MAP3K5: variants seen among roughly 807,000 people sequenced by gnomAD.
MAP3K5 encodes the protein mitogen-activated protein kinase kinase kinase 5.
Under a neutral mutation model 158.7 loss-of-function variants are expected in MAP3K5, and 56 were observed. That is an observed-to-expected ratio of 0.35 (90% CI 0.28 to 0.44). MAP3K5 has a LOEUF of 0.44. MAP3K5 is among the 20% of genes least tolerant of loss of function. MAP3K5 has a pLI of 1.00. For missense variants in MAP3K5, 1,294 were observed against 1,674.8 expected (o/e 0.77, Z 3.97); for synonymous variants, 579 against 601.7 (o/e 0.96, Z 0.55).
intron 23 of MAP3K5, among the ~76,000 whole-genome samples, chr6:136,589,381 G>A (rs918365199): frequency 6.6e-6 from 1 of 152,198 alleles, no homozygotes; most frequent in Non-Finnish European, 1.5e-5. Context: ...AAAAGAGGAT[G>A]AGAAGTGTCA....
At chr6:136,567,516 ATTCAATC>A (rs945206410) in intron 26 of MAP3K5, 108 bp downstream of exon 26, 6 of 1,072,194 alleles carry the variant, frequency 5.6e-6, no homozygotes, top group Non-Finnish European at 6.6e-6. Flanking sequence ...AAAGAAAGGC[ATTCAATC>A]AAGTTTCCAT....
chr6:136,782,951 C>T (rs1232866516), intron 1 of MAP3K5, among the ~76,000 whole-genome samples: 1 of 152,168 alleles, frequency 6.6e-6, no homozygotes, highest in East Asian at 1.9e-4. Flanking sequence ...ACTAACCTGG[C>T]ACATATTTCG....
At chr6:136,669,198 G>T in intron 8 of MAP3K5, 85 bp downstream of exon 8, 1 of 876,230 alleles carries the variant, frequency 1.1e-6, no homozygotes, top group Non-Finnish European at 1.9e-6. Flanking sequence ...GAAAGCAAAA[G>T]ATTTATCTAT....
chr6:136,774,225 A>T (rs1275466620), intron 1 of MAP3K5, among the ~76,000 whole-genome samples: 1 of 152,138 alleles, frequency 6.6e-6, no homozygotes. Context: ...AAAGAACCTT[A>T]CATAAACCTC....
chr6:136,558,978 C>A, intron 28 of MAP3K5, 102 bp from the exon 29 acceptor site: 4 of 683,472 alleles, frequency 5.9e-6, no homozygotes, highest in Non-Finnish European at 7.7e-6. Flanking sequence ...AAAAATGAAT[C>A]TAAAAATGAA....
rs551519492 is a variant in MAP3K5 at position 136,735,292 on chromosome 6, A to G, written c.449-14703T>C. Among the ~76,000 whole-genome samples, 3 of 152,354 alleles carry G rather than the reference A, an allele frequency of 2.0e-5. No homozygotes were observed. In the East Asian group the frequency reaches 5.8e-4, roughly 29 times the overall value. On this transcript the variant is annotated intron_variant, in intron 1 of 29. Coordinates refer to ENST00000359015, the MANE Select transcript of MAP3K5 (RefSeq NM_005923.4). ...ATGACCTGAATTCCTTAACAAAAAC[A>G]TCACAGGGGAGAAGAGGAGATGAAA...
At chr6:136,577,995 A>G (rs1774694646) in intron 25 of MAP3K5, among the ~76,000 whole-genome samples, 1 of 152,114 alleles carries the variant, frequency 6.6e-6, no homozygotes, top group African/African-American at 2.4e-5. Context: ...AAGTTGTTTC[A>G]AAATATACTC....
Position 136,558,871 on chromosome 6 carries a change from CA to C in MAP3K5, c.3992del (p.Leu1331TrpfsTer19). ...GADEDTISRF[L>X]AEDYTLLDVL... Reference sequence around the variant, plus strand: ...CATCCAATAGTGTATAATCTTCAGCCAAAAACTGTAGAGAAAGTAGAATATG... The same window carrying C: ...CATCCAATAGTGTATAATCTTCAGCCAAAACTGTAGAGAAAGTAGAATATG... On this transcript the variant is annotated frameshift_variant, in exon 29 of 30. Coordinates refer to ENST00000359015, the MANE Select transcript of MAP3K5 (RefSeq NM_005923.4). LOFTEE classifies it high-confidence loss of function. 6.4e-6 allele frequency: 10 copies of C among 1,573,458 alleles called. No individual in the cohort carries two copies. The highest frequency in any genetic ancestry group is 2.2e-5 in the East Asian group (1 of 44,506).
At chr6:136,683,470 G>A (rs1016690599) in intron 7 of MAP3K5, among the ~76,000 whole-genome samples, 10 of 152,170 alleles carry the variant, frequency 6.6e-5, no homozygotes, top group Non-Finnish European at 1.0e-4. Flanking sequence ...GCAAGAAAAA[G>A]GACCTGACTG....
intron 14 of MAP3K5, among the ~76,000 whole-genome samples, chr6:136,630,550 G>A (rs900926228): frequency 5.9e-5 from 9 of 152,190 alleles, no homozygotes; most frequent in African/African-American, 9.6e-5. Flanking sequence ...TTCTTTTGCG[G>A]ACATAAGCAA....
intron 8 of MAP3K5, among the ~76,000 whole-genome samples, chr6:136,664,409 A>G (rs1159346058): frequency 6.6e-6 from 1 of 152,106 alleles, no homozygotes; most frequent in African/African-American, 2.4e-5. Context: ...AGTGCACAAT[A>G]AATGTAATGT....
At chr6:136,737,037 G>GTGTGTATATATATA (rs759947051) in intron 1 of MAP3K5, among the ~76,000 whole-genome samples, 1 of 127,002 alleles carries the variant, frequency 7.9e-6, no homozygotes, top group Non-Finnish European at 1.5e-5. Flanking sequence ...ATATGTGTGT[G>GTGTGTATATATATA]TATATATATA....
intron 23 of MAP3K5, among the ~76,000 whole-genome samples, chr6:136,589,667 T>C (rs991786481): frequency 1.3e-5 from 2 of 152,056 alleles, no homozygotes; most frequent in Admixed American, 1.3e-4. Flanking sequence ...CCTAATCCAA[T>C]TGAACTGATG....
rs182123082 is a variant in MAP3K5, at chr6:136,609,560, A to G, written c.2521+1722T>C. 6.6e-6 allele frequency among the ~76,000 whole-genome samples: 1 copy of G among 152,124 alleles called. No homozygotes were observed. Among genetic ancestry groups the G allele is most frequent in the Non-Finnish European group, 1.5e-5 (1 of 68,018 alleles). The stretch of plus-strand genomic sequence containing the variant: ...GTAATCCCAGCACTTTGGGAGTCCA[A>G]GGCAGGTGGATCACTTGAGGTCAGG... On this transcript the variant is annotated intron_variant, in intron 18 of 29. Transcript: ENST00000359015. The surrounding 1 kb of genome is among the most constrained non-coding windows in gnomAD (Gnocchi z 4.4).
At chr6:136,782,541 T>C (rs1312429582) in intron 1 of MAP3K5, among the ~76,000 whole-genome samples, 2 of 152,280 alleles carry the variant, frequency 1.3e-5, no homozygotes, top group East Asian at 3.9e-4. Context: ...TTTTTGGAGA[T>C]TGCCAGTACA....
intron 14 of MAP3K5, among the ~76,000 whole-genome samples, chr6:136,632,986 AAGAC>A (rs1777446737): frequency 6.6e-6 from 1 of 152,226 alleles, no homozygotes; most frequent in African/African-American, 2.4e-5. Flanking sequence ...TTTCTGTTAA[AAGAC>A]AGAAAATCCT....
At position 136,609,325 on chromosome 6, in the gene MAP3K5, C is replaced by G. The variant is rs1776233018; in HGVS notation, c.2521+1957G>C. Among the ~76,000 whole-genome samples the G allele has an allele frequency of 1.3e-5, 2 of 152,110 alleles. No individual in the cohort carries two copies. The highest frequency in any genetic ancestry group is 2.4e-5 in the African/African-American group (1 of 41,416). On this transcript the variant is annotated intron_variant, in intron 18 of 29. Transcript: ENST00000359015. The surrounding 1 kb of genome is among the most constrained non-coding windows in gnomAD (Gnocchi z 4.4). ...AAATATATTCAAAATGTGTTTAATTCTGTACCCTAAAATATCCATTGCCCT... is the reference window on the plus strand; with the variant it reads ...AAATATATTCAAAATGTGTTTAATTGTGTACCCTAAAATATCCATTGCCCT...
chr6:136,698,459 C>G (rs1260222212), intron 4 of MAP3K5, 30 bp downstream of exon 4: 1 of 1,586,780 alleles, frequency 6.3e-7, no homozygotes, highest in Middle Eastern at 1.7e-4. Context: ...TTATTGTCAT[C>G]ACCAAATGGC....
intron 6 of MAP3K5, among the ~76,000 whole-genome samples, chr6:136,694,768 C>T (rs1474670835): frequency 6.6e-6 from 1 of 152,178 alleles, no homozygotes; most frequent in Non-Finnish European, 1.5e-5. Context: ...TCAAATCAAA[C>T]CCAAGAACTG....
Sources: gnomAD v4.1 joint callset for allele counts (sites outside exome capture counted in the v4.1 genomes callset) on GRCh38, gnomAD v4.1.1 for gene constraint, Gnocchi (gnomAD v3.1) non-coding constraint, MANE v1.5 for transcripts, NCBI Gene and HGNC (gene_info 2026-07-23, HGNC 2026-07-21) for gene names.